The following TMCC1 variants were observed in gnomAD, a reference collection of about 807,000 sequenced individuals.
TMCC1 encodes the protein transmembrane and coiled-coil domain family 1, also known as transmembrane and coiled-coil domains protein 1.
TMCC1 carries 15 observed loss-of-function variants against 52.4 expected under a neutral mutation model. The ratio of observed to expected loss-of-function variants is 0.29; its 90% CI spans 0.19 to 0.44. The LOEUF (loss-of-function observed/expected upper bound fraction) is 0.44. Among genes scored for constraint, TMCC1 ranks in the 20% least tolerant of loss-of-function variants. The probability of loss-of-function intolerance (pLI) is 1.00; values close to 1 mark genes in which losing one functional copy is unlikely to be tolerated. For synonymous variants in TMCC1, 279 were observed against 301.9 expected, an observed-to-expected ratio of 0.92 and a Z score of 0.79; for missense variants, 503 against 806.0, an observed-to-expected ratio of 0.62 and a Z score of 4.55.
At chr3:129,687,068 G>C (rs1352454269) in intron 4 of TMCC1, among the ~76,000 whole-genome samples, 1 of 152,140 alleles carries the variant, frequency 6.6e-6, no homozygotes, top group African/African-American at 2.4e-5. Context: ...ATGCTGAGAG[G>C]AAAAGGTCAG....
intron 2 of TMCC1, among the ~76,000 whole-genome samples, chr3:129,867,977 C>T (rs1220013187): frequency 6.6e-6 from 1 of 152,100 alleles, no homozygotes; most frequent in Non-Finnish European, 1.5e-5. Flanking sequence ...CTAGGCACTA[C>T]GTTAGACTAG....
chr3:129,734,678 G>A (rs561895640), intron 4 of TMCC1, among the ~76,000 whole-genome samples: 1 of 152,120 alleles, frequency 6.6e-6, no homozygotes, highest in South Asian at 2.1e-4. Context: ...GGGAGATTCT[G>A]TCTCAAAAAA....
intron 4 of TMCC1, among the ~76,000 whole-genome samples, chr3:129,822,646 T>G (rs1560490982): frequency 6.6e-6 from 1 of 152,200 alleles, no homozygotes; most frequent in East Asian, 1.9e-4. Flanking sequence ...TTCTCTGGCA[T>G]GCTCAACCAG....
intron 4 of TMCC1, among the ~76,000 whole-genome samples, chr3:129,822,032 C>T (rs1307393926): frequency 1.3e-5 from 2 of 152,112 alleles, no homozygotes; most frequent in African/African-American, 4.8e-5. Flanking sequence ...CACTACACTC[C>T]AGCCTGGGTG....
At chr3:129,670,244 A>T (rs773453920) in intron 5 of TMCC1, 86 bp downstream of exon 5, 1 of 1,409,782 alleles carries the variant, frequency 7.1e-7, no homozygotes, top group Non-Finnish European at 9.6e-7. Flanking sequence ...AGAGAAAGAT[A>T]AAGACTTTTA....
intron 3 of TMCC1, among the ~76,000 whole-genome samples, chr3:129,832,272 C>A (rs1310176194): frequency 6.6e-6 from 1 of 152,018 alleles, no homozygotes; most frequent in African/African-American, 2.4e-5. Context: ...CTCAGCTTCT[C>A]TGAAAAGTAA....
chr3:129,771,774 CAAAAAAAAA>C (rs755523077), intron 4 of TMCC1, among the ~76,000 whole-genome samples: 1 of 75,660 alleles, frequency 1.3e-5, no homozygotes, highest in Non-Finnish European at 2.7e-5. Flanking sequence ...GACACTGTCT[CAAAAAAAAA>C]AAAAAAAAAA....
At chr3:129,796,995 A>T (rs1226697071) in intron 4 of TMCC1, among the ~76,000 whole-genome samples, 1 of 152,194 alleles carries the variant, frequency 6.6e-6, no homozygotes, top group Non-Finnish European at 1.5e-5. Context: ...CCAGTATCCA[A>T]TTATCACCAA....
At chr3:129,841,835 C>T (rs774795163) in intron 2 of TMCC1, among the ~76,000 whole-genome samples, 11 of 152,164 alleles carry the variant, frequency 7.2e-5, no homozygotes, top group Non-Finnish European at 1.5e-4. Flanking sequence ...CCACTCCTGC[C>T]ACCATGTAAG....
At chr3:129,776,183 T>G (rs2055024217) in intron 4 of TMCC1, among the ~76,000 whole-genome samples, 1 of 152,252 alleles carries the variant, frequency 6.6e-6, no homozygotes, top group Non-Finnish European at 1.5e-5. Flanking sequence ...TTACCTTGAT[T>G]TGTCTTTCTA....
intron 4 of TMCC1, among the ~76,000 whole-genome samples, chr3:129,744,159 A>G (rs1210289116): frequency 6.6e-6 from 1 of 152,130 alleles, no homozygotes; most frequent in Non-Finnish European, 1.5e-5. Flanking sequence ...TTACAATTTC[A>G]CCTTTTAACT....
chr3:129,729,829 G>A (rs971436943), intron 4 of TMCC1, among the ~76,000 whole-genome samples: 9 of 152,060 alleles, frequency 5.9e-5, no homozygotes, highest in African/African-American at 2.2e-4. Context: ...AAGGAATGAG[G>A]CCAGGCACAG....
intron 4 of TMCC1, among the ~76,000 whole-genome samples, chr3:129,684,004 T>C (rs764820325): frequency 1.3e-5 from 2 of 152,228 alleles, no homozygotes; most frequent in Non-Finnish European, 2.9e-5. Flanking sequence ...ACTGATAAAG[T>C]TGGTGTAAAT....
intron 4 of TMCC1, among the ~76,000 whole-genome samples, chr3:129,713,834 C>T (rs948580963): frequency 5.9e-5 from 9 of 152,112 alleles, no homozygotes; most frequent in Admixed American, 2.6e-4. Flanking sequence ...ATTTCATTCT[C>T]ACATACTAAT....
chr3:129,871,968 A>G (rs1047440433), intron 2 of TMCC1, among the ~76,000 whole-genome samples: 9 of 152,244 alleles, frequency 5.9e-5, no homozygotes, highest in African/African-American at 2.2e-4. Context: ...TCTAAGTTGT[A>G]AAGATAATGG....
At chr3:129,814,170 G>C (rs768294102) in intron 4 of TMCC1, among the ~76,000 whole-genome samples, 1 of 152,104 alleles carries the variant, frequency 6.6e-6, no homozygotes, top group African/African-American at 2.4e-5. Context: ...GTAAGGTTTA[G>C]ATAAGATGCC....
chr3:129,859,950 A>C (rs1577117226), intron 2 of TMCC1, among the ~76,000 whole-genome samples: 1 of 152,304 alleles, frequency 6.6e-6, no homozygotes, highest in African/African-American at 2.4e-5. Flanking sequence ...ATCTCACTAC[A>C]TCAGATAATT....
intron 4 of TMCC1, among the ~76,000 whole-genome samples, chr3:129,729,369 T>C (rs995951932): frequency 2.0e-5 from 3 of 152,274 alleles, no homozygotes; most frequent in African/African-American, 2.4e-5. Flanking sequence ...TTTTGTTGTC[T>C]GTTTTAAAGA....
At chr3:129,706,284 A>G (rs1576518464) in intron 4 of TMCC1, among the ~76,000 whole-genome samples, 1 of 148,232 alleles carries the variant, frequency 6.7e-6, no homozygotes, top group Non-Finnish European at 1.5e-5. Flanking sequence ...GCTTACTGCA[A>G]CCTCCGCCTC....
Sources: gnomAD v4.1 joint callset for allele counts (sites outside exome capture counted in the v4.1 genomes callset) on GRCh38, gnomAD v4.1.1 for gene constraint, MANE v1.5 for transcripts, NCBI Gene and HGNC (gene_info 2026-07-23, HGNC 2026-07-21) for gene names.